Variants in CPA6 observed in about 807,000 individuals in gnomAD.
The protein encoded by CPA6 is carboxypeptidase B.
In CPA6, 58 loss-of-function variants were observed where a neutral mutation model predicts 63.3. The observed-to-expected ratio is 0.92, with a 90% confidence interval of 0.74 to 1.14. CPA6 has a LOEUF of 1.14. Among genes scored for constraint, CPA6 ranks in the 50% most tolerant of loss-of-function variants. The pLI, the probability that CPA6 is intolerant of heterozygous loss-of-function variation, is 0.00. For synonymous variants in CPA6, 185 were observed against 179.0 expected, an observed-to-expected ratio of 1.03 and a Z score of -0.27; for missense variants, 565 against 526.6, an observed-to-expected ratio of 1.07 and a Z score of -0.71.
chr8:67,537,166 T>G (rs1348115555), intron 2 of CPA6, among the ~76,000 whole-genome samples: 3 of 152,204 alleles, frequency 2.0e-5, no homozygotes, highest in Non-Finnish European at 4.4e-5. Flanking sequence ...CTTTTTTTGT[T>G]GTGACTCTGC....
intron 9 of CPA6, among the ~76,000 whole-genome samples, chr8:67,428,472 T>A (rs930179001): frequency 6.6e-6 from 1 of 152,118 alleles, no homozygotes. Context: ...TTGACTTTAG[T>A]TCAAGGCAAC....
intron 2 of CPA6, among the ~76,000 whole-genome samples, chr8:67,539,781 G>A (rs547619872): frequency 6.6e-6 from 1 of 152,102 alleles, no homozygotes; most frequent in African/African-American, 2.4e-5. Context: ...TCTTTTGCTT[G>A]ATCAATTCAG....
intron 2 of CPA6, among the ~76,000 whole-genome samples, chr8:67,599,296 A>G (rs1026844458): frequency 1.3e-5 from 2 of 152,200 alleles, no homozygotes; most frequent in Non-Finnish European, 2.9e-5. Flanking sequence ...TGTAAACTTG[A>G]TGCTTCAACT....
At chr8:67,542,517 A>T (rs1273772471) in intron 2 of CPA6, among the ~76,000 whole-genome samples, 2 of 152,220 alleles carry the variant, frequency 1.3e-5, no homozygotes, top group Admixed American at 6.5e-5. Context: ...TCGTGAGTCA[A>T]ATCTGTACAC....
At chr8:67,602,578 T>G (rs1814523279) in intron 2 of CPA6, among the ~76,000 whole-genome samples, 1 of 152,202 alleles carries the variant, frequency 6.6e-6, no homozygotes, top group African/African-American at 2.4e-5. Context: ...AAAGCTGATG[T>G]CTACTAAAAG....
chr8:67,686,214 A>G (rs1251698153), intron 1 of CPA6, among the ~76,000 whole-genome samples: 1 of 152,218 alleles, frequency 6.6e-6, no homozygotes, highest in East Asian at 1.9e-4. Context: ...AGAGGATTAC[A>G]TAACCCCCTC....
intron 1 of CPA6, among the ~76,000 whole-genome samples, chr8:67,653,860 A>T (rs56064905): frequency 6.6e-6 from 1 of 151,838 alleles, no homozygotes; most frequent in African/African-American, 2.4e-5. Context: ...CCCATTCAGT[A>T]TGATATTGGC....
At chr8:67,480,186 TG>T (rs1324038779) in intron 8 of CPA6, among the ~76,000 whole-genome samples, 1 of 152,252 alleles carries the variant, frequency 6.6e-6, no homozygotes, top group Admixed American at 6.5e-5. Flanking sequence ...TTATAATAGC[TG>T]TATTGCTTTA....
intron 1 of CPA6, among the ~76,000 whole-genome samples, chr8:67,744,671 A>C (rs372661448): frequency 1.3e-5 from 2 of 152,202 alleles, no homozygotes; most frequent in East Asian, 3.9e-4. Flanking sequence ...CCCACAACCC[A>C]AGCCTGCACC....
rs746177954 is a variant in CPA6, at chr8:67,422,619, C to T, written c.1199G>A (p.Arg400His). The T allele has an allele frequency of 3.3e-5, 53 of 1,613,698 alleles. No individual in the cohort carries two copies. The highest frequency in any genetic ancestry group is 4.5e-5 in the East Asian group (2 of 44,884). ...GIPYAFAFEL[R>H]DTGYFGFLLP... ...TAAAAATCCAAAATATCCAGTGTCA[C>T]GTAGTTCGAAAGCAAATGCATAAGG... Residue 400 changes from arginine to histidine, a missense_variant, in exon 11 of 11, where the codon CGT (arginine) becomes CAT (histidine). Physicochemically the swap from Arg to His is conservative, Grantham distance 29 (BLOSUM62 0). Transcript: ENST00000297770.
At chr8:67,476,146 A>G (rs528721082) in intron 8 of CPA6, among the ~76,000 whole-genome samples, 1 of 151,440 alleles carries the variant, frequency 6.6e-6, no homozygotes, top group South Asian at 2.1e-4. Context: ...GGGATTATAG[A>G]CATGTGTCAT....
At chr8:67,546,483 C>A (rs1248653289) in intron 2 of CPA6, among the ~76,000 whole-genome samples, 10 of 152,194 alleles carry the variant, frequency 6.6e-5, no homozygotes, top group Non-Finnish European at 8.8e-5. Flanking sequence ...GCTGTTTCTT[C>A]CTTTTCCCAT....
intron 6 of CPA6, among the ~76,000 whole-genome samples, chr8:67,488,396 T>A (rs184433166): frequency 2.4e-4 from 37 of 152,344 alleles, no homozygotes; most frequent in African/African-American, 8.4e-4. Context: ...GCCCCTGTTC[T>A]GTTCCATTGG....
intron 2 of CPA6, among the ~76,000 whole-genome samples, chr8:67,554,621 A>T (rs1362113810): frequency 6.6e-6 from 1 of 152,168 alleles, no homozygotes; most frequent in Non-Finnish European, 1.5e-5. Context: ...CCTTAGCATG[A>T]CTCAGTCCAA....
At chr8:67,492,124 T>C (rs1443125030) in intron 6 of CPA6, among the ~76,000 whole-genome samples, 1 of 152,190 alleles carries the variant, frequency 6.6e-6, no homozygotes, top group Admixed American at 6.5e-5. Context: ...CAAATATAAA[T>C]GGAGCTTAGA....
intron 1 of CPA6, among the ~76,000 whole-genome samples, chr8:67,716,781 A>AT (rs1328588772): frequency 6.6e-6 from 1 of 152,004 alleles, no homozygotes; most frequent in Admixed American, 6.6e-5. Context: ...TGGCTTAGTG[A>AT]TTTTTTGGCC....
chr8:67,664,123 C>A (rs950740824), intron 1 of CPA6, among the ~76,000 whole-genome samples: 6 of 152,160 alleles, frequency 3.9e-5, no homozygotes, highest in African/African-American at 1.4e-4. Context: ...TTGTGGTGGT[C>A]TCACAAATGA....
At chr8:67,579,342 G>A (rs1404287680) in intron 2 of CPA6, among the ~76,000 whole-genome samples, 1 of 152,216 alleles carries the variant, frequency 6.6e-6, no homozygotes, top group Non-Finnish European at 1.5e-5. Context: ...GAATCCAGGA[G>A]TTGGAGGTTG....
At chr8:67,486,960 G>A (rs1473583256) in intron 6 of CPA6, among the ~76,000 whole-genome samples, 1 of 151,834 alleles carries the variant, frequency 6.6e-6, no homozygotes, top group Non-Finnish European at 1.5e-5. Context: ...CAAACTCCTG[G>A]GCTCAAGTGA....
Sources: gnomAD v4.1 joint callset for allele counts (sites outside exome capture counted in the v4.1 genomes callset) on GRCh38, gnomAD v4.1.1 for gene constraint, MANE v1.5 for transcripts, NCBI Gene and HGNC (gene_info 2026-07-23, HGNC 2026-07-21) for gene names.